Variants in NPSR1 observed in about 807,000 individuals in gnomAD.
The protein encoded by NPSR1 is neuropeptide S receptor.
In NPSR1, 48 loss-of-function variants were observed where a neutral mutation model predicts 46.9. The observed-to-expected ratio is 1.02, with a 90% CI of 0.81 to 1.30. NPSR1 has a LOEUF of 1.30. Ranked by LOEUF, NPSR1 falls within the 50% of genes most tolerant of loss-of-function variation. The pLI, the probability that NPSR1 is intolerant of heterozygous loss-of-function variation, is 0.00. For synonymous variants in NPSR1, 176 were observed against 168.1 expected (o/e 1.05, Z -0.36); for missense variants, 450 against 449.5 (o/e 1.00, Z -0.01).
chr7:34,730,237 A>AT (rs1262120568), intron 2 of NPSR1, among the ~76,000 whole-genome samples: 1 of 152,156 alleles, frequency 6.6e-6, no homozygotes, highest in Admixed American at 6.5e-5. Context: ...AGAACCTAGG[A>AT]TTTTTTTAAG....
chr7:34,714,693 T>A (rs186043251), intron 2 of NPSR1, among the ~76,000 whole-genome samples: 1 of 152,218 alleles, frequency 6.6e-6, no homozygotes, highest in East Asian at 1.9e-4. Flanking sequence ...GGTCTACAGG[T>A]TACTCATCCT....
chr7:34,796,887 C>T (rs926011530), intron 3 of NPSR1, among the ~76,000 whole-genome samples: 2 of 152,226 alleles, frequency 1.3e-5, no homozygotes, highest in South Asian at 2.1e-4. Context: ...ACGTTTATAT[C>T]ATGTTTATTC....
At chr7:34,846,692 C>G (rs987961147) in intron 7 of NPSR1, among the ~76,000 whole-genome samples, 3 of 152,062 alleles carry the variant, frequency 2.0e-5, no homozygotes, top group Non-Finnish European at 4.4e-5. Context: ...CTGTCAGTGA[C>G]TTGATTTTCT....
intron 1 of NPSR1, among the ~76,000 whole-genome samples, chr7:34,675,458 G>A (rs1432184283): frequency 6.6e-6 from 1 of 152,192 alleles, no homozygotes; most frequent in Non-Finnish European, 1.5e-5. Flanking sequence ...CTAATGTCTT[G>A]TATTTCCTGA....
chr7:34,809,763 C>T (rs1282500326), intron 3 of NPSR1, among the ~76,000 whole-genome samples: 1 of 152,098 alleles, frequency 6.6e-6, no homozygotes, highest in African/African-American at 2.4e-5. Flanking sequence ...AGTTATTTTT[C>T]CTGATCCTAA....
intron 1 of NPSR1, among the ~76,000 whole-genome samples, chr7:34,682,921 T>C (rs2128682984): frequency 6.6e-6 from 1 of 152,304 alleles, no homozygotes; most frequent in East Asian, 1.9e-4. Flanking sequence ...ATATGTATGC[T>C]GGACACGATA....
chr7:34,721,068 A>T (rs574954927), intron 2 of NPSR1, among the ~76,000 whole-genome samples: 1 of 152,216 alleles, frequency 6.6e-6, no homozygotes, highest in African/African-American at 2.4e-5. Flanking sequence ...GCAAAGTTGT[A>T]GGAAGACATA....
downstream of NPSR1, among the ~76,000 whole-genome samples, chr7:34,853,921 G>A (rs1211835807): frequency 4.0e-5 from 6 of 151,198 alleles, no homozygotes; most frequent in East Asian, 1.9e-4. Flanking sequence ...AGCCGAGATC[G>A]CACCATTGCA....
At chr7:34,819,598 A>G (rs1402426479) in intron 4 of NPSR1, among the ~76,000 whole-genome samples, 1 of 152,234 alleles carries the variant, frequency 6.6e-6, no homozygotes, top group African/African-American at 2.4e-5. Flanking sequence ...TCATGCTACT[A>G]TAAAGACACA....
At chr7:34,871,662 G>T (rs1276255323) in intron 8 of NPSR1, 1 of 151,806 alleles carries the variant, frequency 6.6e-6, no homozygotes, top group South Asian at 2.1e-4. Context: ...CATTCCAAAA[G>T]AAAGAAATTC....
chr7:34,834,171 C>A lies in NPSR1; in HGVS notation c.681-213C>A, dbSNP rs527919366. ...ACTGCATAACTTTACCAGGTCTTAG[C>A]CTCCTCACTTAAGAAAGAAGTAACT... On this transcript the variant is annotated intron_variant, in intron 5 of 8. Transcript: ENST00000360581. 83 of 575,592 alleles carry A rather than the reference C, an allele frequency of 1.4e-4. No individual in the cohort carries two copies. In the East Asian group the frequency reaches 2.4e-3, roughly 17 times the overall value. 35.7% of individuals were successfully genotyped at this position (575,592 alleles called of 1,614,324 possible).
intron 2 of NPSR1, among the ~76,000 whole-genome samples, chr7:34,731,477 T>C (rs529540785): frequency 6.6e-6 from 1 of 151,392 alleles, no homozygotes; most frequent in Admixed American, 6.6e-5. Context: ...ATGGTATCAA[T>C]GAAATATTTA....
rs368718436 is a variant in NPSR1 at position 34,778,533 on chromosome 7, G to C, written c.352G>C (p.Asp118His). 1 of 1,612,678 alleles carries C rather than the reference G, an allele frequency of 6.2e-7. No individual in the cohort carries two copies. The highest frequency in any genetic ancestry group is 8.5e-7 in the Non-Finnish European group (1 of 1,179,052). The change falls in exon 3 of 9, where the codon GAC becomes CAC. Residue 118 changes from aspartate (D) to histidine (H), a missense_variant. Asp to His is a moderately conservative substitution (Grantham distance 81). Transcript: ENST00000360581. ...WRFTGDFTAP[D>H]LVCRVVRYLQ... ...ATTCACTGGAGACTTCACGGCACCTGACCTGGTTTGCCGAGTGGTCCGCTA... is the reference window on the plus strand; with the variant it reads ...ATTCACTGGAGACTTCACGGCACCTCACCTGGTTTGCCGAGTGGTCCGCTA...
At chr7:34,677,719 G>T (rs969825058) in intron 1 of NPSR1, among the ~76,000 whole-genome samples, 2 of 152,198 alleles carry the variant, frequency 1.3e-5, no homozygotes, top group African/African-American at 4.8e-5. Flanking sequence ...CAGTAGAGAA[G>T]AGACCAGCCC....
downstream of NPSR1, among the ~76,000 whole-genome samples, chr7:34,853,072 T>C (rs1790971613): frequency 6.6e-6 from 1 of 152,162 alleles, no homozygotes; most frequent in Admixed American, 6.5e-5. Flanking sequence ...CATTTGTGGA[T>C]AATCATGAGA....
intron 2 of NPSR1, among the ~76,000 whole-genome samples, chr7:34,744,488 T>C (rs1033930178): frequency 6.6e-6 from 1 of 152,132 alleles, no homozygotes; most frequent in Non-Finnish European, 1.5e-5. Flanking sequence ...TTTTGCTGGG[T>C]GACTTTCTGG....
chr7:34,791,144 TAA>T (rs1217922174), intron 3 of NPSR1, among the ~76,000 whole-genome samples: 27 of 116,960 alleles, frequency 2.3e-4, no homozygotes, highest in Admixed American at 4.7e-4. Flanking sequence ...ATATTATATA[TAA>T]TATGTTATAT....
chr7:34,820,460 G>A (rs957129560), intron 4 of NPSR1, among the ~76,000 whole-genome samples: 2 of 152,078 alleles, frequency 1.3e-5, no homozygotes, highest in East Asian at 3.9e-4. Flanking sequence ...AATTGATGAG[G>A]CAGGGGAGAT....
At chr7:34,798,932 T>C (rs950705532) in intron 3 of NPSR1, among the ~76,000 whole-genome samples, 1 of 152,140 alleles carries the variant, frequency 6.6e-6, no homozygotes, top group African/African-American at 2.4e-5. Context: ...TGTAACATCA[T>C]AGTTTGTAGG....
Sources: allele counts gnomAD v4.1 joint callset (sites outside exome capture counted in the v4.1 genomes callset), GRCh38; gene constraint gnomAD v4.1.1; transcripts MANE v1.5; gene names NCBI Gene and HGNC (gene_info 2026-07-23, HGNC 2026-07-21).